Variants in SPIDR observed in about 807,000 individuals in gnomAD.
SPIDR encodes scaffold protein involved in DNA repair.
Under a neutral mutation model 104.6 loss-of-function variants are expected in SPIDR, and 93 were observed. The ratio of observed to expected loss-of-function variants is 0.89; its 90% CI spans 0.75 to 1.06. The LOEUF is 1.06. Among genes scored for constraint, SPIDR ranks in the 50% least tolerant of loss-of-function variants. SPIDR has a pLI of 0.00. For missense variants in SPIDR, 1,154 were observed against 1,111.2 expected, an observed-to-expected ratio of 1.04 and a Z score of -0.55; for synonymous variants, 431 against 416.9, an observed-to-expected ratio of 1.03 and a Z score of -0.41.
At chr8:47,345,005 G>A (rs1390476567) in intron 5 of SPIDR, among the ~76,000 whole-genome samples, 3 of 152,174 alleles carry the variant, frequency 2.0e-5, no homozygotes, top group Non-Finnish European at 2.9e-5. Context: ...TGTTGCCATT[G>A]CTTTTGGTGT....
intron 7 of SPIDR, among the ~76,000 whole-genome samples, chr8:47,436,190 A>T (rs1452653887): frequency 6.6e-6 from 1 of 152,184 alleles, no homozygotes; most frequent in African/African-American, 2.4e-5. Flanking sequence ...GTGTCCATTT[A>T]AAACGGAGGA....
intron 11 of SPIDR, among the ~76,000 whole-genome samples, chr8:47,675,439 G>A (rs1281262555): frequency 6.6e-6 from 1 of 152,160 alleles, no homozygotes; most frequent in Non-Finnish European, 1.5e-5. Flanking sequence ...CCAGATATTT[G>A]GAAAGCATGT....
intron 6 of SPIDR, among the ~76,000 whole-genome samples, chr8:47,405,085 T>G (rs192911207): frequency 6.6e-6 from 1 of 152,176 alleles, no homozygotes; most frequent in Non-Finnish European, 1.5e-5. Flanking sequence ...ACCATCATTC[T>G]GAGGAAACTG....
At chr8:47,507,730 T>C (rs1019934473) in intron 8 of SPIDR, among the ~76,000 whole-genome samples, 8 of 152,242 alleles carry the variant, frequency 5.3e-5, no homozygotes, top group African/African-American at 1.9e-4. Flanking sequence ...GTGGGTCCCA[T>C]GGCCATGTTT....
At chr8:47,647,778 A>G (rs1020442631) in intron 10 of SPIDR, among the ~76,000 whole-genome samples, 5 of 152,140 alleles carry the variant, frequency 3.3e-5, no homozygotes, top group African/African-American at 9.7e-5. Flanking sequence ...AGACTCAAGG[A>G]AAGTCTCACT....
intron 1 of SPIDR, among the ~76,000 whole-genome samples, chr8:47,278,753 G>A (rs2154219886): frequency 6.6e-6 from 1 of 152,020 alleles, no homozygotes; most frequent in East Asian, 1.9e-4. Context: ...GACTACAGGT[G>A]CATGCCACCA....
At chr8:47,515,766 T>C (rs1413844421) in intron 8 of SPIDR, among the ~76,000 whole-genome samples, 1 of 152,242 alleles carries the variant, frequency 6.6e-6, no homozygotes, top group Non-Finnish European at 1.5e-5. Context: ...CAGAAATACA[T>C]TTCCTCTGTA....
intron 5 of SPIDR, among the ~76,000 whole-genome samples, chr8:47,342,440 G>A (rs1016744972): frequency 4.2e-5 from 6 of 143,222 alleles, no homozygotes; most frequent in Admixed American, 2.2e-4. Flanking sequence ...GGATTCAAGT[G>A]ATTCTCCCAC....
chr8:47,663,400 C>T (rs890459812), intron 10 of SPIDR, among the ~76,000 whole-genome samples: 17 of 152,214 alleles, frequency 1.1e-4, no homozygotes, highest in African/African-American at 4.1e-4. Flanking sequence ...CTGTACCTAG[C>T]ACCTCACAGA....
At chr8:47,395,291 A>G (rs185707151) in intron 5 of SPIDR, among the ~76,000 whole-genome samples, 28 of 152,258 alleles carry the variant, frequency 1.8e-4, no homozygotes, top group African/African-American at 6.3e-4. Context: ...AGAAGTAGCA[A>G]TGAGCCGAGA....
rs184159531 is a variant in SPIDR, at chr8:47,386,380, G to C, written c.526-9996G>C. ...ATTTAATGGGGTAATTCTACTTGAC[G>C]TAAGTATTCATATACTTTATATATG... On this transcript the variant is annotated intron_variant, in intron 5 of 19. Coordinates refer to ENST00000297423, the MANE Select transcript of SPIDR (RefSeq NM_001080394.4). Among the ~76,000 whole-genome samples the C allele has an allele frequency of 2.2e-3, 340 of 152,180 alleles. 1 individual carries two copies. The highest frequency in any genetic ancestry group is 7.9e-3 in the African/African-American group (330 of 41,520).
intron 8 of SPIDR, among the ~76,000 whole-genome samples, chr8:47,594,428 T>C (rs1163656365): frequency 5.9e-5 from 9 of 151,920 alleles, no homozygotes; most frequent in Non-Finnish European, 1.3e-4. Context: ...CCAGCTGGGA[T>C]ACTGGGGTGC....
intron 6 of SPIDR, among the ~76,000 whole-genome samples, chr8:47,403,375 A>G (rs2062202942): frequency 6.6e-6 from 1 of 152,194 alleles, no homozygotes; most frequent in African/African-American, 2.4e-5. Flanking sequence ...CAAGAGAAAG[A>G]AATAAAGGGT....
chr8:47,380,410 C>T (rs1305702631), intron 5 of SPIDR, among the ~76,000 whole-genome samples: 1 of 152,158 alleles, frequency 6.6e-6, no homozygotes, highest in Non-Finnish European at 1.5e-5. Flanking sequence ...GTCAGGACCT[C>T]GGAGGACCGT....
chr8:47,297,215 C>G (rs1338134966), intron 5 of SPIDR, among the ~76,000 whole-genome samples: 4 of 152,126 alleles, frequency 2.6e-5, no homozygotes, highest in African/African-American at 9.7e-5. Context: ...TTTCTCTTGC[C>G]TAATCGCTCT....
intron 8 of SPIDR, chr8:47,511,896 A>G (rs1343524188): frequency 1.3e-6 from 1 of 799,468 alleles, no homozygotes; most frequent in Non-Finnish European, 2.3e-6. Flanking sequence ...CCTCATCCTC[A>G]TCTTGGTCAT....
At chr8:47,285,331 TAA>T (rs1446706214) in intron 3 of SPIDR, among the ~76,000 whole-genome samples, 1 of 152,244 alleles carries the variant, frequency 6.6e-6, no homozygotes, top group African/African-American at 2.4e-5. Context: ...TTAAAATTTA[TAA>T]AGTGTTGCTT....
intron 11 of SPIDR, among the ~76,000 whole-genome samples, chr8:47,694,470 A>C (rs1035162694): frequency 3.3e-5 from 5 of 152,192 alleles, no homozygotes; most frequent in African/African-American, 1.2e-4. Flanking sequence ...AGAAAAAAAT[A>C]AAAATGAATG....
At chr8:47,697,048 G>C (rs984287676) in intron 11 of SPIDR, among the ~76,000 whole-genome samples, 1 of 152,182 alleles carries the variant, frequency 6.6e-6, no homozygotes, top group Non-Finnish European at 1.5e-5. Flanking sequence ...CTCATGAGAT[G>C]TAAGTGATGT....
Sources: allele counts gnomAD v4.1 joint callset (sites outside exome capture counted in the v4.1 genomes callset), GRCh38; gene constraint gnomAD v4.1.1; transcripts MANE v1.5; gene names NCBI Gene and HGNC (gene_info 2026-07-23, HGNC 2026-07-21).